Variants in DPYD observed in about 807,000 individuals in gnomAD.
The protein encoded by DPYD is dihydropyrimidine dehydrogenase, also known as dihydropyrimidine dehydrogenase [NADP(+)].
Under a neutral mutation model 116.2 loss-of-function variants are expected in DPYD, and 109 were observed. The observed-to-expected ratio is 0.94, with a 90% CI of 0.80 to 1.10. The LOEUF is 1.10. DPYD is among the 50% of genes least tolerant of loss of function. The pLI is 0.00. For missense variants in DPYD, 1,302 were observed against 1,254.5 expected, an observed-to-expected ratio of 1.04 and a Z score of -0.57; for synonymous variants, 440 against 432.0, an observed-to-expected ratio of 1.02 and a Z score of -0.23.
At chr1:97,503,742 A>G (rs2786781) in intron 13 of DPYD, among the ~76,000 whole-genome samples, 93,163 of 151,566 alleles carry the variant, frequency 0.61, 28,797 homozygotes, top group East Asian at 0.75. Flanking sequence ...GGAAGATCTG[A>G]ACTAAAACCT....
At chr1:97,174,197 A>G (rs2101781980) in intron 20 of DPYD, among the ~76,000 whole-genome samples, 2 of 152,256 alleles carry the variant, frequency 1.3e-5, no homozygotes, top group Admixed American at 1.3e-4. Flanking sequence ...TCGGCAATCA[A>G]TTTAAGGTTC....
intron 3 of DPYD, among the ~76,000 whole-genome samples, chr1:97,807,688 G>A (rs1557976810): frequency 1.3e-5 from 2 of 151,900 alleles, no homozygotes; most frequent in Admixed American, 6.6e-5. Flanking sequence ...CATGCCTTTG[G>A]ATTTGTATCT....
intron 14 of DPYD, among the ~76,000 whole-genome samples, chr1:97,392,360 T>A (rs756874814): frequency 3.4e-4 from 52 of 151,996 alleles, no homozygotes; most frequent in Non-Finnish European, 5.6e-4. Context: ...TTTTTTTCCT[T>A]CTTTTTTTTT....
At chr1:97,167,926 C>A (rs555633224) in intron 20 of DPYD, among the ~76,000 whole-genome samples, 1 of 152,180 alleles carries the variant, frequency 6.6e-6, no homozygotes, top group East Asian at 1.9e-4. Context: ...ACTTCTAGAC[C>A]TTTCTTTCAG....
intron 8 of DPYD, among the ~76,000 whole-genome samples, chr1:97,655,009 C>T (rs1283627970): frequency 6.6e-6 from 1 of 152,028 alleles, no homozygotes; most frequent in Non-Finnish European, 1.5e-5. Flanking sequence ...ATGGGGAAAC[C>T]GCCTCCATGA....
chr1:97,820,534 T>C lies in DPYD; in HGVS notation c.233+7580A>G, dbSNP rs1313713002. On this transcript the variant is annotated intron_variant, in intron 3 of 22. Coordinates refer to ENST00000370192, the MANE Select transcript of DPYD (RefSeq NM_000110.4). Reference sequence around the variant, plus strand: ...GCTACTTTCCAAGTTTACATGGCTATACTTTTATATTTAACTCTGTATAAA... The same window carrying C: ...GCTACTTTCCAAGTTTACATGGCTACACTTTTATATTTAACTCTGTATAAA... Among the ~76,000 whole-genome samples, 6 of 152,226 alleles carry C rather than the reference T, an allele frequency of 3.9e-5. No homozygotes were observed. In the East Asian group the frequency reaches 1.2e-3, roughly 29 times the overall value.
intron 3 of DPYD, among the ~76,000 whole-genome samples, chr1:97,793,148 C>T (rs552103161): frequency 1.3e-5 from 2 of 152,156 alleles, no homozygotes; most frequent in South Asian, 4.2e-4. Flanking sequence ...TTTTCTGTAA[C>T]CCTAAAACTA....
At chr1:97,501,727 C>A (rs1189116902) in intron 13 of DPYD, among the ~76,000 whole-genome samples, 1 of 151,946 alleles carries the variant, frequency 6.6e-6, no homozygotes, top group East Asian at 1.9e-4. Flanking sequence ...ATGTTAATAG[C>A]AGTTGTAGAC....
At chr1:97,397,934 C>T (rs1364292771) in intron 14 of DPYD, among the ~76,000 whole-genome samples, 3 of 147,570 alleles carry the variant, frequency 2.0e-5, no homozygotes, top group Admixed American at 6.7e-5. Flanking sequence ...CAAGAAACTG[C>T]CACATGCTGT....
At chr1:97,775,228 A>G (rs1666334437) in intron 3 of DPYD, among the ~76,000 whole-genome samples, 1 of 152,178 alleles carries the variant, frequency 6.6e-6, no homozygotes, top group African/African-American at 2.4e-5. Flanking sequence ...AATGTCTAAG[A>G]ATATATTTAT....
At chr1:97,663,436 G>A (rs1284906216) in intron 8 of DPYD, among the ~76,000 whole-genome samples, 1 of 152,052 alleles carries the variant, frequency 6.6e-6, no homozygotes, top group East Asian at 1.9e-4. Flanking sequence ...TATCTAATCA[G>A]TAACCAAGAC....
At chr1:97,463,183 G>C (rs1677116585) in intron 13 of DPYD, among the ~76,000 whole-genome samples, 1 of 152,168 alleles carries the variant, frequency 6.6e-6, no homozygotes, top group African/African-American at 2.4e-5. Context: ...ATCTCATCTT[G>C]AATTCTCGAA....
intron 1 of DPYD, among the ~76,000 whole-genome samples, chr1:97,889,663 A>G (rs994659114): frequency 6.6e-6 from 1 of 152,136 alleles, no homozygotes; most frequent in Non-Finnish European, 1.5e-5. Context: ...CTAATTAAAG[A>G]CTTCAATACT....
intron 2 of DPYD, among the ~76,000 whole-genome samples, chr1:97,846,962 C>T (rs1485426100): frequency 1.3e-5 from 2 of 152,134 alleles, no homozygotes; most frequent in African/African-American, 4.8e-5. Flanking sequence ...AAATTCAAAA[C>T]CATAAAGTGG....
At chr1:97,081,800 G>A (rs1649177100) in intron 22 of DPYD, among the ~76,000 whole-genome samples, 1 of 151,162 alleles carries the variant, frequency 6.6e-6, no homozygotes, top group African/African-American at 2.4e-5. Flanking sequence ...ACTTCATGAG[G>A]GAAGAATACA....
chr1:97,570,752 T>C (rs1652835624), intron 11 of DPYD, among the ~76,000 whole-genome samples: 1 of 151,826 alleles, frequency 6.6e-6, no homozygotes, highest in Non-Finnish European at 1.5e-5. Context: ...TCTCTCTTAA[T>C]GTACACATTC....
Position 97,913,750 on chromosome 1 carries a change from T to TG in DPYD, c.39+7133dup, listed in dbSNP as rs1209005291. 2.6e-5 allele frequency among the ~76,000 whole-genome samples: 4 copies of TG among 151,822 alleles called. No individual in the cohort carries two copies. The East Asian group carries it at 7.8e-4, about 30-fold the overall frequency. On this transcript the variant is annotated intron_variant, in intron 1 of 22. Transcript: ENST00000370192. ...TGTGTAGGTACACTGAGTTGTAAGT[T>TG]GGAGGATAAAGTTTTGGGAGAGAAG... is the stretch of plus-strand genomic sequence containing the variant.
At chr1:97,491,321 G>T (rs1678963471) in intron 13 of DPYD, among the ~76,000 whole-genome samples, 2 of 151,146 alleles carry the variant, frequency 1.3e-5, no homozygotes, top group African/African-American at 4.9e-5. Context: ...ATTCCTTCAT[G>T]GTGCCTGGGA....
intron 9 of DPYD, 80 bp downstream of exon 9, chr1:97,594,979 G>T: frequency 8.7e-7 from 1 of 1,153,304 alleles, no homozygotes; most frequent in Non-Finnish European, 1.3e-6. Flanking sequence ...ACAATGTGCT[G>T]CTGAGCTTGA....
Sources: allele counts gnomAD v4.1 joint callset (sites outside exome capture counted in the v4.1 genomes callset), GRCh38; gene constraint gnomAD v4.1.1; transcripts MANE v1.5; gene names NCBI Gene and HGNC (gene_info 2026-07-23, HGNC 2026-07-21).